CFAP107: variants seen among roughly 807,000 people sequenced by gnomAD.
CFAP107 encodes cilia and flagella associated protein 107.
chr1:12,749,300 C>A, the CFAP107 span, among the ~76,000 whole-genome samples: 3 of 152,124 alleles, frequency 2.0e-5, no homozygotes. Flanking sequence ...TCATCAAGAA[C>A]AATGGCTCCT....
chr1:12,760,661 C>T, the CFAP107 span: 13 of 1,130,376 alleles, frequency 1.2e-5, no homozygotes, highest in Middle Eastern at 2.1e-4. Context: ...GACAGAGCAG[C>T]CTGGGAAAAT....
chr1:12,746,756 A>G, the CFAP107 span, among the ~76,000 whole-genome samples: 2 of 152,112 alleles, frequency 1.3e-5, no homozygotes, highest in African/African-American at 4.8e-5. Flanking sequence ...TTCATACATG[A>G]TGGTTATCGA....
the CFAP107 span, among the ~76,000 whole-genome samples, chr1:12,750,411 A>G: frequency 6.6e-6 from 1 of 152,240 alleles, no homozygotes; most frequent in African/African-American, 2.4e-5. Flanking sequence ...TAAATGGATT[A>G]AACTTCCAAA....
chr1:12,757,136 T>C, the CFAP107 span, among the ~76,000 whole-genome samples: 11,680 of 152,206 alleles, frequency 0.077, 530 homozygotes, highest in African/African-American at 0.13. Flanking sequence ...TCTCAGCCTC[T>C]AACCATCCAT....
the CFAP107 span, among the ~76,000 whole-genome samples, chr1:12,757,684 CCCTGAATATTTATTTT>C: frequency 6.6e-6 from 1 of 152,096 alleles, no homozygotes; most frequent in African/African-American, 2.4e-5. Context: ...CGGCACCTGG[CCCTGAATATTTATTTT>C]TAAGGTTTCT....
the CFAP107 span, among the ~76,000 whole-genome samples, chr1:12,758,531 C>T: frequency 6.6e-6 from 1 of 152,134 alleles, no homozygotes; most frequent in Non-Finnish European, 1.5e-5. Context: ...ATGGGGCCAC[C>T]ACTTGAAATA....
the CFAP107 span, among the ~76,000 whole-genome samples, chr1:12,755,336 C>A: frequency 3.9e-4 from 59 of 151,860 alleles, no homozygotes; most frequent in African/African-American, 1.3e-3. Flanking sequence ...ACCCGAGAGG[C>A]AGAGGTTGCA....
chr1:12,751,336 C>T, the CFAP107 span, among the ~76,000 whole-genome samples: 1 of 152,048 alleles, frequency 6.6e-6, no homozygotes, highest in African/African-American at 2.4e-5. Context: ...ATCAATAAAA[C>T]CGAGTTGGGA....
At chr1:12,755,804 G>T in the CFAP107 span, 2 of 1,611,650 alleles carry the variant, frequency 1.2e-6, no homozygotes, top group Middle Eastern at 3.3e-4. Context: ...ATGGGAAGAG[G>T]AAAGTTGAGG....
At chr1:12,750,452 A>G in the CFAP107 span, among the ~76,000 whole-genome samples, 1 of 152,230 alleles carries the variant, frequency 6.6e-6, no homozygotes, top group Admixed American at 6.5e-5. Flanking sequence ...AGAGATTTAT[A>G]AAACAGGATC....
At chr1:12,749,559 C>T in the CFAP107 span, among the ~76,000 whole-genome samples, 6 of 151,946 alleles carry the variant, frequency 3.9e-5, no homozygotes, top group African/African-American at 1.5e-4. Flanking sequence ...TCTAGTGAGC[C>T]GAAATCATGC....
chr1:12,760,771 T>C, the CFAP107 span: 1 of 1,611,980 alleles, frequency 6.2e-7, no homozygotes, highest in Non-Finnish European at 8.5e-7. Flanking sequence ...CTCTTGCAGC[T>C]CCCCCTACAA....
At chr1:12,755,725 C>T in the CFAP107 span, 128 of 1,613,438 alleles carry the variant, frequency 7.9e-5, no homozygotes, top group African/African-American at 1.4e-3. Flanking sequence ...GACAAGACAC[C>T]CCAATCCATT....
At chr1:12,754,609 T>C in the CFAP107 span, among the ~76,000 whole-genome samples, 1 of 152,232 alleles carries the variant, frequency 6.6e-6, no homozygotes, top group Non-Finnish European at 1.5e-5. Context: ...GCAACCCAAG[T>C]ACCCACTGAT....
chr1:12,763,374 G>A, the CFAP107 span: 1 of 152,276 alleles, frequency 6.6e-6, no homozygotes, highest in Non-Finnish European at 1.5e-5. Context: ...AACGGGCAGG[G>A]GTTGACGGAT....
At chr1:12,754,511 A>T in the CFAP107 span, among the ~76,000 whole-genome samples, 1 of 152,224 alleles carries the variant, frequency 6.6e-6, no homozygotes, top group African/African-American at 2.4e-5. Context: ...TTCTGGTTGT[A>T]TGCCTAAAAG....
the CFAP107 span, chr1:12,753,914 TTAAA>T: frequency 6.6e-6 from 1 of 151,902 alleles, no homozygotes. Flanking sequence ...TTTTTTTTAA[TTAAA>T]TAAAAAAAGA....
the CFAP107 span, chr1:12,759,246 C>A: frequency 1.9e-6 from 3 of 1,572,908 alleles, no homozygotes; most frequent in Admixed American, 5.1e-5. Flanking sequence ...GCTCCTGTCT[C>A]CACCATGGCC....
the CFAP107 span, among the ~76,000 whole-genome samples, chr1:12,747,993 C>T: frequency 1.6e-4 from 24 of 152,212 alleles, no homozygotes; most frequent in South Asian, 2.3e-3. Flanking sequence ...AGATATATAG[C>T]GACAAATCAA....
Sources: gnomAD v4.1 joint callset for allele counts (sites outside exome capture counted in the v4.1 genomes callset) on GRCh38, gnomAD v4.1.1 for gene constraint, MANE v1.5 for transcripts, NCBI Gene and HGNC (gene_info 2026-07-23, HGNC 2026-07-21) for gene names.